The following PDHB variants were observed in gnomAD, a reference collection of about 807,000 sequenced individuals.
PDHB encodes pyruvate dehydrogenase E1 subunit beta, also known as pyruvate dehydrogenase E1 component subunit beta, mitochondrial.
In PDHB, 17 loss-of-function variants were observed where a neutral mutation model predicts 42.8. The observed-to-expected ratio is 0.40, with a 90% CI of 0.27 to 0.60. PDHB has a LOEUF of 0.60. Ranked by LOEUF, PDHB falls within the 20% of genes least tolerant of loss-of-function variation. PDHB has a pLI of 0.46. For synonymous variants in PDHB, 154 were observed against 148.7 expected (o/e 1.04, Z -0.26); for missense variants, 322 against 451.3 (o/e 0.71, Z 2.60).
intron 7 of PDHB, 53 bp downstream of exon 7, chr3:58,430,075 C>CA: frequency 8.8e-7 from 1 of 1,138,620 alleles, no homozygotes; most frequent in Non-Finnish European, 1.3e-6. Context: ...TAAATTTTAC[C>CA]AAAATTGAGG....
intron 8 of PDHB, 138 bp downstream of exon 8, chr3:58,429,570 T>C: frequency 1.4e-6 from 1 of 724,398 alleles, no homozygotes; most frequent in Non-Finnish European, 2.5e-6. Context: ...TGCAGGCAGG[T>C]TCCCAGCTTT....
rs1427867511 is a variant in PDHB, at chr3:58,433,635, A to G, written c.92T>C (p.Leu31Pro). ...RRFHWTAPAALQVTVRDAINQ... is the reference protein window; with the variant it reads ...RRFHWTAPAAPQVTVRDAINQ... ...ACGAGCACCCGCGCCTGTTACCTGCAGCGCAGCCGGCGCGGTCCAGTGAAA... is the reference window on the plus strand; with the variant it reads ...ACGAGCACCCGCGCCTGTTACCTGCGGCGCAGCCGGCGCGGTCCAGTGAAA... Residue 31 changes from leucine to proline, a missense_variant, in exon 2 of 10, where the codon CTG (leucine) becomes CCG (proline). Coordinates refer to ENST00000302746, the MANE Select transcript of PDHB (RefSeq NM_000925.4). 12 of 1,610,906 alleles carry G rather than the reference A, an allele frequency of 7.4e-6. No homozygotes were observed. Among genetic ancestry groups the G allele is most frequent in the Non-Finnish European group, 9.3e-6 (11 of 1,179,186 alleles).
intron 2 of PDHB, 74 bp from the exon 3 acceptor site, chr3:58,432,058 A>T: frequency 1.0e-6 from 1 of 986,790 alleles, no homozygotes. Flanking sequence ...CTTTATATTT[A>T]CCTAGGCTGC....
intron 9 of PDHB, 73 bp from the exon 10 acceptor site, chr3:58,428,252 GCTGA>G: frequency 7.0e-7 from 1 of 1,421,978 alleles, no homozygotes; most frequent in Non-Finnish European, 9.9e-7. Context: ...CAGAGGTGTG[GCTGA>G]CCAGGAAGAG....
chr3:58,428,196 T>C lies in PDHB; in HGVS notation c.935-17A>G. ...ACGCAGGACCTAGGAGAAGGAAGGCTCAACTGAGAGAGTGCAAATGCCAGC... is the reference window on the plus strand; with the variant it reads ...ACGCAGGACCTAGGAGAAGGAAGGCCCAACTGAGAGAGTGCAAATGCCAGC... On this transcript the variant is annotated splice_polypyrimidine_tract_variant and intron_variant, in intron 9 of 9. Transcript: ENST00000302746. The C allele has an allele frequency of 6.2e-7, 1 of 1,613,350 alleles. No homozygotes were observed. Among genetic ancestry groups the C allele is most frequent in the Non-Finnish European group, 8.5e-7 (1 of 1,179,364 alleles).
intron 2 of PDHB, chr3:58,432,272 A>G: frequency 2.4e-6 from 1 of 425,172 alleles, no homozygotes. Context: ...AAATCTAGTT[A>G]AAAAAAGGAA....
At chr3:58,429,840 CTG>C in intron 7 of PDHB, 41 bp from the exon 8 acceptor site, 1 of 1,172,430 alleles carries the variant, frequency 8.5e-7, no homozygotes, top group Non-Finnish European at 1.3e-6. Context: ...CAGGTTGAAA[CTG>C]AAGATGCTAC....
At chr3:58,430,042 G>A in intron 7 of PDHB, 86 bp downstream of exon 7, 1 of 845,002 alleles carries the variant, frequency 1.2e-6, no homozygotes, top group Non-Finnish European at 2.0e-6. Context: ...TTCAGTCAAA[G>A]TAAATGACAG....
chr3:58,432,041 T>G (rs2062925124), intron 2 of PDHB, 57 bp from the exon 3 acceptor site: 13 of 1,209,838 alleles, frequency 1.1e-5, no homozygotes, highest in Non-Finnish European at 1.6e-5. Flanking sequence ...CAACTAAGAT[T>G]TTCTTCCTTT....
intron 2 of PDHB, chr3:58,433,123 C>T (rs74961525): frequency 0.12 from 21,529 of 178,784 alleles, 2,067 homozygotes; most frequent in African/African-American, 0.27. Flanking sequence ...CAAATGATGC[C>T]ACTTATAAGA....
In PDHB at chr3:58,428,621, A is replaced by G. The variant is rs1274482353; in HGVS notation, c.793-7T>C. On this transcript the variant is annotated splice_polypyrimidine_tract_variant and splice_region_variant and intron_variant, in intron 8 of 9. Transcript: ENST00000302746. Reference sequence around the variant, plus strand: ...TGGTACGCATATTTATCACCTAAACAGGTAATATAATCAAGTTTACAGAGC... The same window carrying G: ...TGGTACGCATATTTATCACCTAAACGGGTAATATAATCAAGTTTACAGAGC... 1 of 1,610,298 alleles carries G rather than the reference A, an allele frequency of 6.2e-7. No homozygotes were observed. The highest frequency in any genetic ancestry group is 2.2e-5 in the East Asian group (1 of 44,848).
In PDHB at chr3:58,431,104, ACACATCATAGCT is replaced by A. The variant is rs2062916319; in HGVS notation, c.304-174_304-163del. On this transcript the variant is annotated intron_variant, in intron 5 of 9. Coordinates refer to ENST00000302746, the MANE Select transcript of PDHB (RefSeq NM_000925.4). The surrounding 1 kb of genome is among the most constrained non-coding windows in gnomAD (Gnocchi z 4.4). Reference sequence around the variant, plus strand: ...GTCACCCATGCTGGAGTGCAGTGGCACACATCATAGCTCACTGCAGCCTCTAACTCCTAGGCT... The same window carrying A: ...GTCACCCATGCTGGAGTGCAGTGGCACACTGCAGCCTCTAACTCCTAGGCT... The A allele has an allele frequency of 2.5e-5, 18 of 723,760 alleles. No individual in the cohort carries two copies. In the South Asian group the frequency reaches 2.9e-4, roughly 12 times the overall value. The allele number at this position is 723,760 out of a possible 1,614,324, so 44.8% of individuals were successfully genotyped here. A position where few individuals can be genotyped will look rare whatever the true frequency, so the allele number is the denominator to read the frequency against.
At chr3:58,430,978 G>A (rs763818341) in intron 5 of PDHB, 36 bp from the exon 6 acceptor site, 15 of 1,600,238 alleles carry the variant, frequency 9.4e-6, no homozygotes, top group Non-Finnish European at 1.3e-5. Context: ...AAAAAGACTA[G>A]AAACAGCAAC....
chr3:58,432,180 T>C, intron 2 of PDHB, 196 bp from the exon 3 acceptor site: 1 of 610,998 alleles, frequency 1.6e-6, no homozygotes. Flanking sequence ...GTTAATGTAC[T>C]GAGTGCTCAC....
chr3:58,428,677 T>A, intron 8 of PDHB, 63 bp from the exon 9 acceptor site: 1 of 1,393,910 alleles, frequency 7.2e-7, no homozygotes, highest in Non-Finnish European at 1.0e-6. Flanking sequence ...CTTATCCCCA[T>A]AATACCATTT....
chr3:58,429,601 G>A (rs1416763624), intron 8 of PDHB, 107 bp downstream of exon 8: 9 of 801,122 alleles, frequency 1.1e-5, no homozygotes, highest in Non-Finnish European at 1.8e-5. Context: ...AGAAATGAGT[G>A]ACAAAGCAAG....
Position 58,433,805 on chromosome 3 carries a change from G to A in PDHB, c.5C>T (p.Ala2Val), listed in dbSNP as rs753447396. Residue 2 changes from alanine to valine, a missense_variant, in exon 1 of 10, where the codon GCG (alanine) becomes GTG (valine). This residue lies in a region of PDHB where 58 missense variants were observed against 42.1 expected (regional missense o/e 1.38). Coordinates refer to ENST00000302746, the MANE Select transcript of PDHB (RefSeq NM_000925.4). M[A>V]AVSGLVRRPL... is the part of the protein sequence containing the mutation. ...TCTCCGCACCAAGCCAGACACCGCCGCCATCTTGGTCGTGTCCTCTATCCG... is the reference window on the plus strand; with the variant it reads ...TCTCCGCACCAAGCCAGACACCGCCACCATCTTGGTCGTGTCCTCTATCCG... The A allele has an allele frequency of 5.6e-6, 9 of 1,611,058 alleles. No homozygotes were observed. In the Admixed American group the frequency reaches 6.7e-5, roughly 12 times the overall value.
At chr3:58,432,271 T>TA (rs2062927025) in intron 2 of PDHB, 1 of 430,460 alleles carries the variant, frequency 2.3e-6, no homozygotes, top group South Asian at 2.2e-5. Context: ...AAAATCTAGT[T>TA]AAAAAAAGGA....
In PDHB at chr3:58,431,064, G is replaced by A; in HGVS notation, c.304-122C>T. ...TTTATTTTTTATTTTTATTTTTTAT[G>A]GACAGGGTCTCACTGTCACCCATGC... On this transcript the variant is annotated intron_variant, in intron 5 of 9. Coordinates refer to ENST00000302746, the MANE Select transcript of PDHB (RefSeq NM_000925.4). The surrounding 1 kb of genome is among the most constrained non-coding windows in gnomAD (Gnocchi z 4.4). 9.7e-7 allele frequency: 1 copy of A among 1,031,134 alleles called. No individual in the cohort carries two copies. Among genetic ancestry groups the A allele is most frequent in the Non-Finnish European group, 1.5e-6 (1 of 680,640 alleles). The allele number at this position is 1,031,134 out of a possible 1,614,324, so 63.9% of individuals were successfully genotyped here.
Sources: gnomAD v4.1 joint callset for allele counts on GRCh38, gnomAD v4.1.1 for gene constraint, gnomAD v4.1.1 regional missense constraint, Gnocchi (gnomAD v3.1) non-coding constraint, MANE v1.5 for transcripts, NCBI Gene and HGNC (gene_info 2026-07-23, HGNC 2026-07-21) for gene names.